SUPT3H: variants seen among roughly 807,000 people sequenced by gnomAD.
SUPT3H encodes the protein transcription initiation protein SPT3 homolog.
A neutral mutation model predicts 44.3 loss-of-function variants in SUPT3H; 44 were observed. The observed-to-expected ratio is 0.99, with a 90% CI of 0.78 to 1.28. The LOEUF (loss-of-function observed/expected upper bound fraction) is 1.28. Among genes scored for constraint, SUPT3H ranks in the 50% most tolerant of loss-of-function variants. SUPT3H has a pLI of 0.00. For synonymous variants in SUPT3H, 124 were observed against 125.6 expected (o/e 0.99, Z 0.09); for missense variants, 380 against 387.1 (o/e 0.98, Z 0.15).
intron 2 of SUPT3H, among the ~76,000 whole-genome samples, chr6:45,267,588 T>C (rs1775458366): frequency 6.6e-6 from 1 of 152,248 alleles, no homozygotes; most frequent in Non-Finnish European, 1.5e-5. Context: ...TATTCTTCAG[T>C]GCCTAATACC....
At chr6:45,267,879 C>G (rs1366589903) in intron 2 of SUPT3H, among the ~76,000 whole-genome samples, 1 of 152,154 alleles carries the variant, frequency 6.6e-6, no homozygotes, top group African/African-American at 2.4e-5. Context: ...GTAGCACCAA[C>G]CCAGCCTACC....
At chr6:45,153,244 T>C (rs940658708) in intron 2 of SUPT3H, among the ~76,000 whole-genome samples, 20 of 152,342 alleles carry the variant, frequency 1.3e-4, no homozygotes, top group African/African-American at 4.8e-4. Context: ...CTTCTGCCAT[T>C]AGAATGTAAG....
At chr6:45,092,689 C>T (rs1583492064) in intron 3 of SUPT3H, among the ~76,000 whole-genome samples, 1 of 144,740 alleles carries the variant, frequency 6.9e-6, no homozygotes, top group African/African-American at 2.6e-5. Flanking sequence ...GTTGGAGGTT[C>T]CAGTGAGCTG....
intron 2 of SUPT3H, among the ~76,000 whole-genome samples, chr6:45,178,626 C>T (rs1690580893): frequency 6.6e-6 from 1 of 152,088 alleles, no homozygotes; most frequent in Non-Finnish European, 1.5e-5. Context: ...TTTTCAGCAC[C>T]ACACCACACC....
chr6:44,920,138 A>G (rs1768448729), intron 10 of SUPT3H, among the ~76,000 whole-genome samples: 1 of 150,562 alleles, frequency 6.6e-6, no homozygotes, highest in South Asian at 2.2e-4. Flanking sequence ...TCGGCCTCCC[A>G]AAGTGCTGGG....
intron 3 of SUPT3H, among the ~76,000 whole-genome samples, chr6:45,070,895 C>T (rs941773683): frequency 6.6e-6 from 1 of 151,962 alleles, no homozygotes; most frequent in African/African-American, 2.4e-5. Context: ...TCACAGGAAA[C>T]AAAGCAGATG....
intron 2 of SUPT3H, among the ~76,000 whole-genome samples, chr6:45,340,612 C>G (rs1451858735): frequency 6.6e-6 from 1 of 152,014 alleles, no homozygotes; most frequent in Non-Finnish European, 1.5e-5. Context: ...GCATAAGCCA[C>G]CGCACCTGGC....
chr6:44,907,270 A>G (rs1766260216), intron 10 of SUPT3H, among the ~76,000 whole-genome samples: 1 of 152,212 alleles, frequency 6.6e-6, no homozygotes. Context: ...TTTATTGTTT[A>G]AAGGTGGGAA....
chr6:45,322,357 T>C (rs1459641066), intron 2 of SUPT3H, among the ~76,000 whole-genome samples: 1 of 151,072 alleles, frequency 6.6e-6, no homozygotes, highest in African/African-American at 2.4e-5. Context: ...ATTATACCAA[T>C]ATTATAAAAA....
chr6:45,122,005 AAAGTT>A (rs1241746342), intron 2 of SUPT3H, among the ~76,000 whole-genome samples: 2 of 151,630 alleles, frequency 1.3e-5, no homozygotes, highest in African/African-American at 4.9e-5. Flanking sequence ...CTGAGTAAAG[AAAGTT>A]AAGTGAAAGA....
intron 6 of SUPT3H, among the ~76,000 whole-genome samples, chr6:44,990,004 T>C (rs1001762127): frequency 6.6e-6 from 1 of 152,124 alleles, no homozygotes; most frequent in African/African-American, 2.4e-5. Context: ...TAGAGTGATA[T>C]AGTCCAAATT....
chr6:44,984,979 GT>G (rs5875900), intron 6 of SUPT3H, among the ~76,000 whole-genome samples: 51,533 of 151,430 alleles, frequency 0.34, 9,828 homozygotes, highest in East Asian at 0.55. Flanking sequence ...TGATGAAAGA[GT>G]TTTGGGGGAT....
chr6:45,044,179 T>C (rs988016796), intron 3 of SUPT3H, among the ~76,000 whole-genome samples: 2 of 152,190 alleles, frequency 1.3e-5, no homozygotes, highest in Admixed American at 1.3e-4. Flanking sequence ...CATTGATTTC[T>C]TAAGCCTCTG....
At chr6:45,231,267 T>C (rs1767994716) in intron 2 of SUPT3H, among the ~76,000 whole-genome samples, 2 of 152,228 alleles carry the variant, frequency 1.3e-5, no homozygotes, top group African/African-American at 2.4e-5. Context: ...TGAATATTTC[T>C]TGTAAGATAG....
intron 2 of SUPT3H, among the ~76,000 whole-genome samples, chr6:45,203,073 G>A (rs1287061416): frequency 6.6e-6 from 1 of 152,096 alleles, no homozygotes; most frequent in Non-Finnish European, 1.5e-5. Context: ...AGGAAGTCTT[G>A]CACCACAGTT....
chr6:45,034,647 A>G (rs1787420172), intron 3 of SUPT3H, among the ~76,000 whole-genome samples: 1 of 152,174 alleles, frequency 6.6e-6, no homozygotes, highest in African/African-American at 2.4e-5. Context: ...TTAATTTAAG[A>G]AAGGACAACA....
At chr6:45,326,480 T>A (rs1584924289) in intron 2 of SUPT3H, among the ~76,000 whole-genome samples, 1 of 151,904 alleles carries the variant, frequency 6.6e-6, no homozygotes, top group African/African-American at 2.4e-5. Context: ...TAACTGCATG[T>A]TAAATGAACG....
At position 45,095,710 on chromosome 6, in the gene SUPT3H, C is replaced by T. The variant is rs1241697287; in HGVS notation, c.186+10212G>A. 6.6e-6 allele frequency among the ~76,000 whole-genome samples: 1 copy of T among 152,064 alleles called. No individual in the cohort carries two copies. Among genetic ancestry groups the T allele is most frequent in the African/African-American group, 2.4e-5 (1 of 41,422 alleles). On this transcript the variant is annotated intron_variant, in intron 3 of 10. Transcript: ENST00000371459. The surrounding 1 kb of genome is among the most constrained non-coding windows in gnomAD (Gnocchi z 4.1). ...CTTTTGATATTTAACTTTGAATGAA[C>T]AGAGAAATGAAAGCAGCTATATAGC...
intron 2 of SUPT3H, among the ~76,000 whole-genome samples, chr6:45,177,062 G>T (rs1262663310): frequency 6.6e-6 from 1 of 152,356 alleles, no homozygotes. Context: ...GAACAAAGCT[G>T]GACGGAGAAT....
Sources: gnomAD v4.1 joint callset for allele counts (sites outside exome capture counted in the v4.1 genomes callset) on GRCh38, gnomAD v4.1.1 for gene constraint, Gnocchi (gnomAD v3.1) non-coding constraint, MANE v1.5 for transcripts, NCBI Gene and HGNC (gene_info 2026-07-23, HGNC 2026-07-21) for gene names.